B4GALNT3: variants seen among roughly 807,000 people sequenced by gnomAD.
The protein encoded by B4GALNT3 is beta-1,4-N-acetyl-galactosaminyltransferase 3.
A neutral mutation model predicts 120.2 loss-of-function variants in B4GALNT3; 86 were observed. The observed-to-expected ratio is 0.72, with a 90% CI of 0.60 to 0.86. The LOEUF (loss-of-function observed/expected upper bound fraction) is 0.86. Among genes scored for constraint, B4GALNT3 ranks in the 40% least tolerant of loss-of-function variants. The pLI is 0.00. For synonymous variants in B4GALNT3, 518 were observed against 510.4 expected (o/e 1.01, Z -0.20); for missense variants, 1,167 against 1,298.9 (o/e 0.90, Z 1.56).
intron 1 of B4GALNT3, among the ~76,000 whole-genome samples, chr12:489,393 G>A (rs1405824629): frequency 6.7e-6 from 1 of 150,298 alleles, no homozygotes; most frequent in East Asian, 1.9e-4. Context: ...GAGAGCGTAA[G>A]GGCAATACAT....
intron 1 of B4GALNT3, among the ~76,000 whole-genome samples, chr12:488,087 C>G (rs1946307640): frequency 6.6e-6 from 1 of 151,664 alleles, no homozygotes; most frequent in Non-Finnish European, 1.5e-5. Flanking sequence ...GTATGTAATC[C>G]TAGCACTTTG....
At chr12:528,541 G>A (rs188225210) in intron 1 of B4GALNT3, among the ~76,000 whole-genome samples, 32 of 152,330 alleles carry the variant, frequency 2.1e-4, no homozygotes, top group South Asian at 4.1e-4. Context: ...CTGGCGCATC[G>A]TGTACTAGAA....
intron 1 of B4GALNT3, among the ~76,000 whole-genome samples, chr12:477,433 A>G (rs925448758): frequency 6.6e-6 from 1 of 152,218 alleles, no homozygotes; most frequent in Non-Finnish European, 1.5e-5. Context: ...GACACCCTGC[A>G]TTGACATTGA....
At chr12:515,127 T>C (rs2120602301) in intron 1 of B4GALNT3, among the ~76,000 whole-genome samples, 1 of 152,290 alleles carries the variant, frequency 6.6e-6, no homozygotes, top group South Asian at 2.1e-4. Context: ...GAAGTTCAAT[T>C]TCCTCATCTG....
In B4GALNT3 at chr12:553,983, G is replaced by GGT; in HGVS notation, c.2060+1_2060+2dup. 6.2e-7 allele frequency: 1 copy of GGT among 1,608,496 alleles called. No individual in the cohort carries two copies. Among genetic ancestry groups the GGT allele is most frequent in the Non-Finnish European group, 8.5e-7 (1 of 1,177,144 alleles). On this transcript the variant is annotated frameshift_variant and splice_region_variant. Transcript: ENST00000266383. LOFTEE classifies it high-confidence loss of function. ...AAGAAGCTCAACCAGAGGAGCCGGG[G>GGT]GTAAGGTAAAGGGCTCTCCTGGGGC...
intron 1 of B4GALNT3, among the ~76,000 whole-genome samples, chr12:516,724 G>A (rs1946660212): frequency 6.6e-6 from 1 of 152,174 alleles, no homozygotes; most frequent in Admixed American, 6.5e-5. Context: ...TCACTGGAAG[G>A]TTCCAAGCAA....
At chr12:533,501 G>T (rs918847732) in intron 1 of B4GALNT3, among the ~76,000 whole-genome samples, 2 of 152,206 alleles carry the variant, frequency 1.3e-5, no homozygotes, top group African/African-American at 4.8e-5. Context: ...CCCAGAGACA[G>T]ATCCCCTGCT....
At chr12:536,352 G>A in intron 3 of B4GALNT3, 57 bp downstream of exon 3, 2 of 1,441,598 alleles carry the variant, frequency 1.4e-6, no homozygotes, top group South Asian at 2.3e-5. Flanking sequence ...AATGTTTACA[G>A]ATAATTCCAG....
chr12:501,626 C>CTT (rs1165012176), intron 1 of B4GALNT3, among the ~76,000 whole-genome samples: 1 of 152,116 alleles, frequency 6.6e-6, no homozygotes, highest in Non-Finnish European at 1.5e-5. Context: ...GAACTAGAGG[C>CTT]TGAGGATTGC....
intron 1 of B4GALNT3, among the ~76,000 whole-genome samples, chr12:521,498 T>G (rs1946708455): frequency 1.3e-5 from 2 of 152,174 alleles, no homozygotes; most frequent in South Asian, 4.1e-4. Context: ...GAATTACTCT[T>G]GGCCTGAATT....
intron 19 of B4GALNT3, among the ~76,000 whole-genome samples, chr12:559,640 T>C (rs1947202998): frequency 6.6e-6 from 1 of 151,590 alleles, no homozygotes; most frequent in Admixed American, 6.6e-5. Flanking sequence ...TGTCACAGGG[T>C]TGGTGTGAAA....
chr12:553,883 G>T lies in B4GALNT3; in HGVS notation c.1960G>T (p.Asp654Tyr). ...DFQALRTDWIDLSCNTSGNLL... is the reference protein window; with the variant it reads ...DFQALRTDWIYLSCNTSGNLL... ...CCAAGCCCTGAGGACTGACTGGATC[G>T]ATCTGAGCTGTAACACATCTGGCAA... The change falls in exon 14 of 20, where the codon GAT becomes TAT. Residue 654 changes from aspartate (D) to tyrosine (Y), a missense_variant. By Grantham distance (160) the Asp-to-Tyr change is radical. Transcript: ENST00000266383. 1 of 1,614,168 alleles carries T rather than the reference G, an allele frequency of 6.2e-7. No individual in the cohort carries two copies. The highest frequency in any genetic ancestry group is 8.5e-7 in the Non-Finnish European group (1 of 1,180,018).
intron 1 of B4GALNT3, among the ~76,000 whole-genome samples, chr12:474,981 G>A (rs1309976064): frequency 6.8e-6 from 1 of 147,670 alleles, no homozygotes; most frequent in East Asian, 2.0e-4. Flanking sequence ...AAGTGTGGTG[G>A]TGCATGCCTG....
chr12:492,541 C>G (rs1946352588), intron 1 of B4GALNT3, among the ~76,000 whole-genome samples: 1 of 152,130 alleles, frequency 6.6e-6, no homozygotes, highest in Non-Finnish European at 1.5e-5. Flanking sequence ...TTGTTCTTCC[C>G]AACTTGATCT....
At chr12:476,569 C>G (rs1032708286) in intron 1 of B4GALNT3, among the ~76,000 whole-genome samples, 20 of 152,152 alleles carry the variant, frequency 1.3e-4, no homozygotes, top group Admixed American at 2.6e-4. Context: ...TGTGATCACG[C>G]CACTGCACCC....
chr12:501,753 G>C (rs1188950768), intron 1 of B4GALNT3, among the ~76,000 whole-genome samples: 1 of 152,194 alleles, frequency 6.6e-6, no homozygotes, highest in Non-Finnish European at 1.5e-5. Flanking sequence ...TAATTCAGGA[G>C]GTCTGGGTAG....
rs1565608066 is a variant in B4GALNT3 at position 545,656 on chromosome 12, A to AGCGAGGT, written c.639+188_639+189insCGAGGTG. 1.6e-3 allele frequency among the ~76,000 whole-genome samples: 230 copies of AGCGAGGT among 141,580 alleles called. 1 individual carries two copies. The highest frequency in any genetic ancestry group is 7.1e-3 in the Middle Eastern group (2 of 282). The allele number at this position is 141,580 out of a possible 152,430, so 92.9% of individuals were successfully genotyped here. On this transcript the variant is annotated intron_variant, in intron 6 of 19. Coordinates refer to ENST00000266383, the MANE Select transcript of B4GALNT3 (RefSeq NM_173593.4). ...AAACTGAGGATGGGGAGGAGTGAGG[A>AGCGAGGT]GTGGGGAGGAGCGAGGTGTGGGGAG...
chr12:481,440 C>T (rs1946241511), intron 1 of B4GALNT3, among the ~76,000 whole-genome samples: 1 of 152,326 alleles, frequency 6.6e-6, no homozygotes, highest in African/African-American at 2.4e-5. Context: ...AATCAGGAGT[C>T]CAGCTGCCCA....
At chr12:512,546 C>CTCCTTCG (rs1565598815) in intron 1 of B4GALNT3, among the ~76,000 whole-genome samples, 1 of 128,096 alleles carries the variant, frequency 7.8e-6, no homozygotes, top group Non-Finnish European at 1.8e-5. Context: ...TTCAACCTTC[C>CTCCTTCG]ACCTTCGACC....
Sources: gnomAD v4.1 joint callset for allele counts (sites outside exome capture counted in the v4.1 genomes callset) on GRCh38, gnomAD v4.1.1 for gene constraint, MANE v1.5 for transcripts, NCBI Gene and HGNC (gene_info 2026-07-23, HGNC 2026-07-21) for gene names.